The following GABRB1 variants were observed in gnomAD, a reference collection of about 807,000 sequenced individuals.
The protein encoded by GABRB1 is gamma-aminobutyric acid receptor subunit beta-1.
GABRB1 carries 17 observed loss-of-function variants against 51.6 expected under a neutral mutation model. The observed-to-expected ratio is 0.33, with a 90% CI of 0.23 to 0.49. GABRB1 has a LOEUF of 0.49. Ranked by LOEUF, GABRB1 falls within the 20% of genes least tolerant of loss-of-function variation. The pLI is 0.99. For synonymous variants in GABRB1, 247 were observed against 218.9 expected (o/e 1.13, Z -1.14); for missense variants, 410 against 600.6 (o/e 0.68, Z 3.32).
At chr4:47,316,695 C>T (rs1724904491) in intron 4 of GABRB1, among the ~76,000 whole-genome samples, 1 of 151,822 alleles carries the variant, frequency 6.6e-6, no homozygotes. Flanking sequence ...GTTCCTAAAC[C>T]ATTTGCAGTG....
intron 5 of GABRB1, among the ~76,000 whole-genome samples, chr4:47,355,048 C>T (rs1487135011): frequency 1.1e-4 from 15 of 134,382 alleles, no homozygotes; most frequent in Admixed American, 3.3e-4. Flanking sequence ...TGCAGTGGCG[C>T]GATCTTGGCT....
chr4:47,019,574 T>TCTCTCTCC (rs1560497981), intron 1 of GABRB1, among the ~76,000 whole-genome samples: 2 of 150,756 alleles, frequency 1.3e-5, no homozygotes, highest in Non-Finnish European at 3.0e-5. Flanking sequence ...TCTCTCTCTC[T>TCTCTCTCC]CTCCCTCCTT....
chr4:47,195,464 T>TTG (rs1719642807), intron 4 of GABRB1, among the ~76,000 whole-genome samples: 1 of 85,356 alleles, frequency 1.2e-5, no homozygotes, highest in Non-Finnish European at 2.5e-5. Context: ...GATTAGATGA[T>TTG]AGATAGATAG....
At chr4:47,065,961 T>C (rs1481551343) in intron 3 of GABRB1, among the ~76,000 whole-genome samples, 1 of 152,226 alleles carries the variant, frequency 6.6e-6, no homozygotes, top group Non-Finnish European at 1.5e-5. Context: ...GTCAGGCTAA[T>C]TATGGTAAGC....
chr4:47,068,972 A>G (rs1727200559), intron 3 of GABRB1, among the ~76,000 whole-genome samples: 2 of 152,150 alleles, frequency 1.3e-5, no homozygotes, highest in Non-Finnish European at 2.9e-5. Flanking sequence ...AAGACTGATG[A>G]CTTCTCCAAG....
chr4:47,021,868 G>T (rs866126329), intron 1 of GABRB1, among the ~76,000 whole-genome samples: 31 of 151,964 alleles, frequency 2.0e-4, no homozygotes, highest in Non-Finnish European at 2.5e-4. Flanking sequence ...GATATGTTAG[G>T]TATGAATGAC....
At chr4:47,083,781 T>C (rs866539618) in intron 3 of GABRB1, among the ~76,000 whole-genome samples, 2 of 152,174 alleles carry the variant, frequency 1.3e-5, no homozygotes, top group South Asian at 2.1e-4. Context: ...CCTATTTACA[T>C]TTACTAGTCC....
At chr4:47,309,613 CACAG>C (rs1011236331) in intron 4 of GABRB1, among the ~76,000 whole-genome samples, 8 of 151,988 alleles carry the variant, frequency 5.3e-5, no homozygotes, top group African/African-American at 1.9e-4. Context: ...TTAAGTAAGT[CACAG>C]GGTATAGTAT....
intron 5 of GABRB1, among the ~76,000 whole-genome samples, chr4:47,335,505 A>G (rs1305661221): frequency 2.0e-5 from 3 of 152,104 alleles, no homozygotes; most frequent in Admixed American, 1.3e-4. Flanking sequence ...ATCTAGTTGC[A>G]TAATAAAAGG....
chr4:47,035,894 C>T (rs1218032262), intron 3 of GABRB1, among the ~76,000 whole-genome samples: 2 of 152,182 alleles, frequency 1.3e-5, no homozygotes, highest in Non-Finnish European at 2.9e-5. Flanking sequence ...CAGTGACTAG[C>T]TGTTCCTTTT....
chr4:47,032,675 T>C (rs764196833), intron 3 of GABRB1, 191 bp downstream of exon 3: 13 of 718,258 alleles, frequency 1.8e-5, no homozygotes, highest in African/African-American at 7.0e-5. Flanking sequence ...CACGGGCTAC[T>C]GCGGTGTTCC....
chr4:47,196,016 T>C (rs555738311), intron 4 of GABRB1, among the ~76,000 whole-genome samples: 1 of 152,206 alleles, frequency 6.6e-6, no homozygotes, highest in Non-Finnish European at 1.5e-5. Flanking sequence ...AAACCATATG[T>C]AGTAGTACTG....
At chr4:47,199,201 G>A (rs908940427) in intron 4 of GABRB1, among the ~76,000 whole-genome samples, 2 of 152,126 alleles carry the variant, frequency 1.3e-5, no homozygotes, top group Admixed American at 6.6e-5. Flanking sequence ...AAAGGAAACA[G>A]GACTTGATGA....
intron 4 of GABRB1, among the ~76,000 whole-genome samples, chr4:47,193,630 AT>A (rs1719532414): frequency 6.6e-6 from 1 of 152,220 alleles, no homozygotes; most frequent in Admixed American, 6.5e-5. Context: ...TCCTCCATAA[AT>A]GGCCTTTTGC....
At chr4:47,074,938 T>C (rs1368629068) in intron 3 of GABRB1, among the ~76,000 whole-genome samples, 2 of 152,184 alleles carry the variant, frequency 1.3e-5, no homozygotes, top group East Asian at 3.8e-4. Context: ...AAAATATCTG[T>C]TACTGAAATG....
intron 3 of GABRB1, among the ~76,000 whole-genome samples, chr4:47,064,878 T>C (rs1040415225): frequency 6.6e-6 from 1 of 152,198 alleles, no homozygotes; most frequent in Non-Finnish European, 1.5e-5. Flanking sequence ...GCATTATTTC[T>C]ACAAATGTTT....
At chr4:47,116,929 G>A (rs1715515924) in intron 3 of GABRB1, among the ~76,000 whole-genome samples, 1 of 152,094 alleles carries the variant, frequency 6.6e-6, no homozygotes, top group Non-Finnish European at 1.5e-5. Flanking sequence ...GAAGGGGGAA[G>A]TGCTACACAC....
At chr4:47,338,852 A>G (rs1725789447) in intron 5 of GABRB1, among the ~76,000 whole-genome samples, 1 of 152,196 alleles carries the variant, frequency 6.6e-6, no homozygotes, top group Non-Finnish European at 1.5e-5. Context: ...ACAATTCTAG[A>G]TAAATCTTCC....
In GABRB1 at chr4:47,134,832, G is replaced by A. The variant is rs551922745; in HGVS notation, c.241-26417G>A. Among the ~76,000 whole-genome samples, 25 of 152,292 alleles carry A rather than the reference G, an allele frequency of 1.6e-4. No individual in the cohort carries two copies. The South Asian group carries it at 5.2e-3, about 32-fold the overall frequency. On this transcript the variant is annotated intron_variant, in intron 3 of 8. Transcript: ENST00000295454. Reference sequence around the variant, plus strand: ...ACTTTAACACTTACCAATGTAATGAGTAGGTTGGGCACAATGGCTCAGGCC... The same window carrying A: ...ACTTTAACACTTACCAATGTAATGAATAGGTTGGGCACAATGGCTCAGGCC...
Sources: allele counts gnomAD v4.1 joint callset (sites outside exome capture counted in the v4.1 genomes callset), GRCh38; gene constraint gnomAD v4.1.1; transcripts MANE v1.5; gene names NCBI Gene and HGNC (gene_info 2026-07-23, HGNC 2026-07-21).